HS6ST2: variants seen among roughly 807,000 people sequenced by gnomAD.
HS6ST2 encodes heparan sulfate 6-O-sulfotransferase 2.
A neutral mutation model predicts 33.0 loss-of-function variants in HS6ST2; 17 were observed. That is an observed-to-expected ratio of 0.52 (90% CI 0.35 to 0.77). The LOEUF is 0.77. Ranked by LOEUF, HS6ST2 falls within the 30% of genes least tolerant of loss-of-function variation. The pLI is 0.01. For synonymous variants in HS6ST2, 248 were observed against 237.1 expected (o/e 1.05, Z -0.42); for missense variants, 519 against 551.7 (o/e 0.94, Z 0.59).
At chrX:132,891,389 T>A (rs1033835533) in intron 2 of HS6ST2, among the ~76,000 whole-genome samples, 4 of 109,518 alleles carry the variant, frequency 3.7e-5, no homozygotes, top group Non-Finnish European at 7.6e-5. Context: ...TATTTTTTTT[T>A]TTATTATTAT....
intron 2 of HS6ST2, among the ~76,000 whole-genome samples, chrX:132,746,492 G>A (rs147619819): frequency 2.1e-4 from 23 of 109,503 alleles, no homozygotes; most frequent in African/African-American, 6.3e-4. Context: ...GCGAGACTCC[G>A]TCTCAAAAAA....
At chrX:132,706,197 A>G (rs1354816745) in intron 3 of HS6ST2, among the ~76,000 whole-genome samples, 2 of 111,601 alleles carry the variant, frequency 1.8e-5, no homozygotes, top group Non-Finnish European at 3.8e-5. Flanking sequence ...TCCAGCCTGG[A>G]CTTTCTATGA....
At chrX:132,917,515 G>A (rs1393935194) in intron 2 of HS6ST2, among the ~76,000 whole-genome samples, 3 of 109,713 alleles carry the variant, frequency 2.7e-5, no homozygotes, top group Admixed American at 9.7e-5. Context: ...CAGGAGAATC[G>A]CTTGAACCCG....
intron 2 of HS6ST2, among the ~76,000 whole-genome samples, chrX:132,721,177 G>A (rs2064324332): frequency 8.9e-6 from 1 of 112,073 alleles, no homozygotes; most frequent in African/African-American, 3.2e-5. Flanking sequence ...CCATATGTTA[G>A]GTCAGAAAAC....
intron 2 of HS6ST2, among the ~76,000 whole-genome samples, chrX:132,891,403 ACTT>A (rs2066310161): frequency 1.9e-5 from 2 of 104,214 alleles, no homozygotes; most frequent in African/African-American, 7.1e-5. Flanking sequence ...TTATTATTCT[ACTT>A]TAAGTTTTAG....
chrX:132,786,210 T>C (rs111326646), intron 2 of HS6ST2, among the ~76,000 whole-genome samples: 79 of 112,157 alleles, frequency 7.0e-4, no homozygotes, highest in African/African-American at 2.4e-3. Flanking sequence ...AAAATTGGAC[T>C]CAATGACCCC....
chrX:132,760,545 A>C (rs1450007425), intron 2 of HS6ST2, among the ~76,000 whole-genome samples: 1 of 111,797 alleles, frequency 8.9e-6, no homozygotes, highest in East Asian at 2.8e-4. Context: ...TCTTCCCTTT[A>C]TAGATTATCC....
chrX:132,661,997 A>T (rs757602779), intron 4 of HS6ST2, among the ~76,000 whole-genome samples: 94 of 111,683 alleles, frequency 8.4e-4, no homozygotes, highest in Non-Finnish European at 1.6e-3. Context: ...GAAAGAAAAA[A>T]GAATGAAGTT....
At chrX:132,922,760 T>C (rs1443765817) in intron 2 of HS6ST2, among the ~76,000 whole-genome samples, 2 of 111,337 alleles carry the variant, frequency 1.8e-5, no homozygotes, top group Non-Finnish European at 3.8e-5. Flanking sequence ...GGGGAGAGCT[T>C]CCGGCTTTAT....
chrX:132,751,596 C>T (rs952424366), intron 2 of HS6ST2, among the ~76,000 whole-genome samples: 7 of 112,197 alleles, frequency 6.2e-5, no homozygotes, highest in African/African-American at 2.3e-4. Flanking sequence ...CCTTTCTTGA[C>T]CAAATACCTC....
chrX:132,907,644 T>C (rs1411373716), intron 2 of HS6ST2: 1 of 111,678 alleles, frequency 9.0e-6, no homozygotes, highest in Non-Finnish European at 1.9e-5. Flanking sequence ...GCCCCATGCA[T>C]GGCTGCTATG....
At chrX:132,918,471 GGACAAAAAGCTAA>G (rs2066617668) in intron 2 of HS6ST2, among the ~76,000 whole-genome samples, 1 of 111,959 alleles carries the variant, frequency 8.9e-6, no homozygotes, top group Non-Finnish European at 1.9e-5. Context: ...AGCTATAGAT[GGACAAAAAGCTAA>G]GACACTTGGT....
At chrX:132,748,043 C>T (rs1218515690) in intron 2 of HS6ST2, among the ~76,000 whole-genome samples, 2 of 111,619 alleles carry the variant, frequency 1.8e-5, no homozygotes, top group East Asian at 2.8e-4. Context: ...GGCCAGTTAG[C>T]GTGTTCATGA....
At chrX:132,883,836 G>A (rs746306874) in intron 2 of HS6ST2, among the ~76,000 whole-genome samples, 2 of 111,625 alleles carry the variant, frequency 1.8e-5, no homozygotes, top group South Asian at 7.6e-4. Flanking sequence ...CTGCCCACAT[G>A]AGACTTTTCC....
At chrX:132,883,148 G>T (rs1233832883) in intron 2 of HS6ST2, among the ~76,000 whole-genome samples, 3 of 111,418 alleles carry the variant, frequency 2.7e-5, no homozygotes, top group Non-Finnish European at 1.9e-5. Context: ...CTCATAAAAT[G>T]AGTTAGGGAG....
At chrX:132,787,165 A>ATATG (rs1556443001) in intron 2 of HS6ST2, among the ~76,000 whole-genome samples, 5 of 67,997 alleles carry the variant, frequency 7.4e-5, no homozygotes, top group East Asian at 4.3e-4. Flanking sequence ...GTATATATAT[A>ATATG]TGTATATATA....
At chrX:132,894,284 G>GA (rs1437084583) in intron 2 of HS6ST2, among the ~76,000 whole-genome samples, 1 of 47 alleles carries the variant, frequency 0.021, no homozygotes, top group Admixed American at 0.2. Context: ...TGGGATTACA[G>GA]CATGCGCCAC....
intron 3 of HS6ST2, among the ~76,000 whole-genome samples, chrX:132,694,677 CCAGCTAGTAGG>C (rs1199041496): frequency 1.8e-5 from 2 of 110,915 alleles, no homozygotes; most frequent in African/African-American, 3.3e-5. Context: ...AGCAGGGGAG[CCAGCTAGTAGG>C]CTTTTACAGA....
chrX:132,642,411 T>C (rs1030967965), intron 4 of HS6ST2, among the ~76,000 whole-genome samples: 2 of 111,041 alleles, frequency 1.8e-5, no homozygotes, highest in Admixed American at 9.6e-5. Context: ...TTCAAGGTGC[T>C]GAGAGATATG....
Sources: gnomAD v4.1 joint callset for allele counts (sites outside exome capture counted in the v4.1 genomes callset) on GRCh38, gnomAD v4.1.1 for gene constraint, MANE v1.5 for transcripts, NCBI Gene and HGNC (gene_info 2026-07-23, HGNC 2026-07-21) for gene names.